Variants in EIF3J observed in about 807,000 individuals in gnomAD.
EIF3J encodes the protein eukaryotic translation initiation factor 3, subunit 1 (alpha, 35kD).
A neutral mutation model predicts 39.0 loss-of-function variants in EIF3J; 15 were observed. The ratio of observed to expected loss-of-function variants is 0.38; its 90% CI spans 0.26 to 0.59. The LOEUF (loss-of-function observed/expected upper bound fraction) is 0.59, where lower values mean the gene tolerates loss of function less well. Among genes scored for constraint, EIF3J ranks in the 20% least tolerant of loss-of-function variants. EIF3J has a pLI of 0.60. For synonymous variants in EIF3J, 98 were observed against 112.9 expected, an observed-to-expected ratio of 0.87 and a Z score of 0.84; for missense variants, 226 against 308.6, an observed-to-expected ratio of 0.73 and a Z score of 2.00.
chr15:44,546,825 T>G (rs1414608845), intron 2 of EIF3J, among the ~76,000 whole-genome samples: 4 of 126,678 alleles, frequency 3.2e-5, no homozygotes, highest in African/African-American at 1.4e-4. Flanking sequence ...TCTTTTTTTT[T>G]TTTTTTTTTT....
intron 5 of EIF3J, among the ~76,000 whole-genome samples, chr15:44,555,959 C>T (rs1348766932): frequency 1.3e-5 from 2 of 152,028 alleles, no homozygotes; most frequent in Admixed American, 6.6e-5. Flanking sequence ...TGGGCTCAAG[C>T]CATCCTCCCA....
At chr15:44,560,223 TA>T in intron 6 of EIF3J, 25 bp from the exon 7 acceptor site, 15 of 1,589,056 alleles carry the variant, frequency 9.4e-6, no homozygotes, top group Non-Finnish European at 1.3e-5. Flanking sequence ...AATTCAAGTT[TA>T]ATGGTATGCC....
chr15:44,543,015 G>C (rs7178318), intron 2 of EIF3J, among the ~76,000 whole-genome samples: 14,988 of 152,158 alleles, frequency 0.099, 1,519 homozygotes, highest in African/African-American at 0.24. Flanking sequence ...TCTCTAGGAA[G>C]CCTTTTTACA....
rs369516328 is a variant in EIF3J, at chr15:44,554,674, C to T, written c.409+7C>T. ...TTAGCAAAGGAAACTTTTGGTAAGA[C>T]GGGATTATGATTGCAATACAGTATT... On this transcript the variant is annotated splice_region_variant and intron_variant, in intron 5 of 7. Coordinates refer to ENST00000261868, the MANE Select transcript of EIF3J (RefSeq NM_003758.4). 5.5e-5 allele frequency: 88 copies of T among 1,588,098 alleles called. No individual in the cohort carries two copies. The highest frequency in any genetic ancestry group is 4.6e-4 in the African/African-American group (34 of 74,384).
intron 2 of EIF3J, among the ~76,000 whole-genome samples, chr15:44,543,361 T>C (rs1379933667): frequency 2.0e-5 from 3 of 152,022 alleles, no homozygotes; most frequent in Non-Finnish European, 2.9e-5. Flanking sequence ...GATGGTCCTT[T>C]TATGAATTGA....
At chr15:44,540,730 C>G (rs1388340990) in intron 2 of EIF3J, among the ~76,000 whole-genome samples, 1 of 152,200 alleles carries the variant, frequency 6.6e-6, no homozygotes, top group African/African-American at 2.4e-5. Context: ...CGTGAGCCAG[C>G]AGACTCAGCC....
At chr15:44,560,077 A>G (rs897578728) in intron 6 of EIF3J, among the ~76,000 whole-genome samples, 172 bp from the exon 7 acceptor site, 3 of 152,308 alleles carry the variant, frequency 2.0e-5, no homozygotes, top group Admixed American at 6.5e-5. Flanking sequence ...GGAGAAATTC[A>G]TGGTCCTTTC....
chr15:44,539,625 C>T (rs1205278855), intron 2 of EIF3J, among the ~76,000 whole-genome samples: 1 of 151,480 alleles, frequency 6.6e-6, no homozygotes, highest in African/African-American at 2.4e-5. Context: ...TGGTCTCAAT[C>T]TCCTGACCTT....
intron 2 of EIF3J, among the ~76,000 whole-genome samples, chr15:44,549,468 G>A (rs2082080791): frequency 6.6e-6 from 1 of 151,612 alleles, no homozygotes; most frequent in Non-Finnish European, 1.5e-5. Context: ...CCATCCAGAG[G>A]CAATGAAAGA....
chr15:44,552,663 G>A (rs904667438), intron 4 of EIF3J, among the ~76,000 whole-genome samples: 1 of 151,988 alleles, frequency 6.6e-6, no homozygotes. Context: ...CCGGGTTCAA[G>A]TGATTCTCCT....
In EIF3J at chr15:44,555,189, G is replaced by A. The variant is rs563129254; in HGVS notation, c.409+522G>A. Among the ~76,000 whole-genome samples, 5 of 152,262 alleles carry A rather than the reference G, an allele frequency of 3.3e-5. No homozygotes were observed. The East Asian group carries it at 5.8e-4, about 18-fold the overall frequency. On this transcript the variant is annotated intron_variant, in intron 5 of 7. Transcript: ENST00000261868. ...CGGTGTCTGCAGCTGTGGTTAGTGC[G>A]TGAGATAAAAGTGCAGGATCCTATA...
chr15:44,547,685 T>C (rs1307647862), intron 2 of EIF3J, among the ~76,000 whole-genome samples: 1 of 151,826 alleles, frequency 6.6e-6, no homozygotes, highest in Non-Finnish European at 1.5e-5. Flanking sequence ...CCTGACCTCG[T>C]GATCCGCCCA....
chr15:44,549,489 G>A (rs1320974607), intron 2 of EIF3J, among the ~76,000 whole-genome samples: 1 of 152,064 alleles, frequency 6.6e-6, no homozygotes, highest in East Asian at 1.9e-4. Flanking sequence ...AAAGACTGGG[G>A]CTAGGCACGG....
At chr15:44,548,568 A>G (rs1023219092) in intron 2 of EIF3J, among the ~76,000 whole-genome samples, 1 of 152,216 alleles carries the variant, frequency 6.6e-6, no homozygotes, top group African/African-American at 2.4e-5. Context: ...TTTTTGCTGC[A>G]ATAGAATGCA....
chr15:44,549,872 A>G (rs2082084797), intron 2 of EIF3J, among the ~76,000 whole-genome samples: 1 of 151,578 alleles, frequency 6.6e-6, no homozygotes, highest in Admixed American at 6.6e-5. Context: ...AGGCAGGAGA[A>G]TCGCTTGAAC....
chr15:44,537,484 C>G (rs1327263903), intron 2 of EIF3J, 57 bp downstream of exon 2: 2 of 1,430,086 alleles, frequency 1.4e-6, no homozygotes, highest in Non-Finnish European at 9.1e-7. Context: ...TGTTGCCGGC[C>G]GACTCTGGGC....
intron 5 of EIF3J, 142 bp from the exon 6 acceptor site, chr15:44,557,347 A>T (rs2082153453): frequency 2.1e-6 from 1 of 483,714 alleles, no homozygotes; most frequent in Non-Finnish European, 3.4e-6. Flanking sequence ...CATTCTATCC[A>T]GTGACTCCAG....
At chr15:44,547,613 TA>T (rs1296955826) in intron 2 of EIF3J, among the ~76,000 whole-genome samples, 3 of 151,994 alleles carry the variant, frequency 2.0e-5, no homozygotes, top group African/African-American at 7.2e-5. Context: ...CACGCCCAGC[TA>T]ATTTTTTGTA....
chr15:44,548,716 G>T (rs1407529203), intron 2 of EIF3J, among the ~76,000 whole-genome samples: 4 of 152,116 alleles, frequency 2.6e-5, no homozygotes, highest in Non-Finnish European at 5.9e-5. Context: ...AGAGCACAAA[G>T]GATTGCAGGA....
Sources: gnomAD v4.1 joint callset for allele counts (sites outside exome capture counted in the v4.1 genomes callset) on GRCh38, gnomAD v4.1.1 for gene constraint, MANE v1.5 for transcripts, NCBI Gene and HGNC (gene_info 2026-07-23, HGNC 2026-07-21) for gene names.